UBXN7: variants seen among roughly 807,000 people sequenced by gnomAD.
UBXN7 encodes UBX domain protein 7, also known as UBX domain-containing protein 7.
Under a neutral mutation model 58.0 loss-of-function variants are expected in UBXN7, and 9 were observed. The ratio of observed to expected loss-of-function variants is 0.16; its 90% confidence interval spans 0.09 to 0.27. The LOEUF (loss-of-function observed/expected upper bound fraction) is 0.27, where lower values mean the gene tolerates loss of function less well. Among genes scored for constraint, UBXN7 ranks in the 10% least tolerant of loss-of-function variants. The pLI, the probability that UBXN7 is intolerant of heterozygous loss-of-function variation, is 1.00. For synonymous variants in UBXN7, 208 were observed against 205.0 expected, an observed-to-expected ratio of 1.01 and a Z score of -0.12; for missense variants, 328 against 599.6, an observed-to-expected ratio of 0.55 and a Z score of 4.73.
chr3:196,403,036 G>A lies in UBXN7; in HGVS notation c.222-17C>T, dbSNP rs1332343832. 6 of 1,577,636 alleles carry A rather than the reference G, an allele frequency of 3.8e-6. No individual in the cohort carries two copies. The highest frequency in any genetic ancestry group is 1.2e-5 in the South Asian group (1 of 84,244). On this transcript the variant is annotated splice_polypyrimidine_tract_variant and intron_variant, in intron 2 of 10. Coordinates refer to ENST00000296328, the MANE Select transcript of UBXN7 (RefSeq NM_015562.2). ...ACTTCTTCTCTATTAAAAAAAAATG[G>A]GAAAATAAAAAATGAAAACTGTTTT...
chr3:196,362,625 T>C lies in UBXN7; in HGVS notation c.897A>G (p.Gln299=), dbSNP rs556144692. 1.0e-4 allele frequency: 161 copies of C among 1,613,896 alleles called. 1 individual carries two copies. In the South Asian group the frequency reaches 1.7e-3, roughly 17 times the overall value. ...TCTGTGTTGAATCAAAATGTGTTTC[T>C]TGTAAGGAGGCTCTGATGGCAGCTT... The part of the protein sequence containing the change: ...QLEAAIRASL[Q]ETHFDSTQTK... The change falls in exon 9 of 11, where the codon CAA becomes CAG. Residue 299 remains glutamine (Q), a synonymous_variant. Coordinates refer to ENST00000296328, the MANE Select transcript of UBXN7 (RefSeq NM_015562.2).
At chr3:196,374,947 AAAGAAAGAAAGAAAAAAAGGAAGG>A (rs1728956955) in intron 5 of UBXN7, among the ~76,000 whole-genome samples, 2 of 19,820 alleles carry the variant, frequency 1.0e-4, no homozygotes, top group East Asian at 5.1e-3. Flanking sequence ...GGAAGGAAGG[AAAGAAAGAAAGAAAAAAAGGAAGG>A]AGGGAAGGAA....
chr3:196,356,155 A>G lies in UBXN7; in HGVS notation c.*530T>C, dbSNP rs574100783. 1.4e-4 allele frequency: 22 copies of G among 152,834 alleles called. No homozygotes were observed. The highest frequency in any genetic ancestry group is 5.3e-4 in the African/African-American group (22 of 41,588). The allele number at this position is 152,834 out of a possible 1,614,324, so 9.5% of individuals were successfully genotyped here. A position where few individuals can be genotyped will look rare whatever the true frequency, so the allele number is the denominator to read the frequency against. The stretch of plus-strand genomic sequence containing the variant: ...TTTCCACGTAAACAAAAGCCTGGAT[A>G]TTTTGTTAAGCGACATTTCCACATG... On this transcript the variant is annotated 3_prime_UTR_variant, in exon 11 of 11. Coordinates refer to ENST00000296328, the MANE Select transcript of UBXN7 (RefSeq NM_015562.2).
intron 2 of UBXN7, among the ~76,000 whole-genome samples, chr3:196,406,944 C>T (rs931298671): frequency 2.1e-4 from 32 of 152,172 alleles, no homozygotes; most frequent in African/African-American, 7.5e-4. Context: ...TTGCTGCTGC[C>T]GTGAGGCACA....
rs779452764 is a variant in UBXN7 at position 196,432,143 on chromosome 3, G to A, written c.73+184C>T. 1.2e-3 allele frequency: 932 copies of A among 780,600 alleles called. 2 individuals carry two copies. Among genetic ancestry groups the A allele is most frequent in the Non-Finnish European group, 1.0e-3 (476 of 455,204 alleles). The allele number at this position is 780,600 out of a possible 1,614,324, so 48.4% of individuals were successfully genotyped here. A position where few individuals can be genotyped will look rare whatever the true frequency, so the allele number is the denominator to read the frequency against. On this transcript the variant is annotated intron_variant, in intron 1 of 10. Transcript: ENST00000296328. Reference sequence around the variant, plus strand: ...AGAGAACGAGGGTATCGGGAGCGGGGGGGGGCTGTCTCCCGCCTGAACCCG... The same window carrying A: ...AGAGAACGAGGGTATCGGGAGCGGGAGGGGGCTGTCTCCCGCCTGAACCCG...
At position 196,428,630 on chromosome 3, in the gene UBXN7, C is replaced by T. The variant is rs542932218; in HGVS notation, c.73+3697G>A. ...TATTTCGGCCAGGTGCAGTGTCCCA[C>T]GCCTGTAATCCCAGCACTTTGGGAG... On this transcript the variant is annotated intron_variant, in intron 1 of 10. Transcript: ENST00000296328. 2.6e-5 allele frequency among the ~76,000 whole-genome samples: 4 copies of T among 152,000 alleles called. 1 individual carries two copies. The highest frequency in any genetic ancestry group is 9.6e-5 in the African/African-American group (4 of 41,462).
chr3:196,416,774 A>G (rs1730498672), intron 1 of UBXN7, among the ~76,000 whole-genome samples: 1 of 152,246 alleles, frequency 6.6e-6, no homozygotes, highest in Admixed American at 6.5e-5. Context: ...TTAAGGATGT[A>G]TCAATCATTT....
intron 8 of UBXN7, among the ~76,000 whole-genome samples, chr3:196,366,833 G>A (rs1157435843): frequency 2.6e-5 from 4 of 152,064 alleles, no homozygotes; most frequent in Admixed American, 2.6e-4. Flanking sequence ...AGGCTGTAGC[G>A]AGCCATGATC....
In UBXN7 at chr3:196,407,247, C is replaced by G. The variant is rs370953217; in HGVS notation, c.220G>C (p.Glu74Gln). The G allele has an allele frequency of 3.8e-5, 61 of 1,613,332 alleles. No individual in the cohort carries two copies. Among genetic ancestry groups the G allele is most frequent in the African/African-American group, 8.0e-5 (6 of 74,906 alleles). Residue 74 changes from glutamate (E) to glutamine (Q), a missense_variant and splice_region_variant, in exon 2 of 11, where the codon GAA (glutamate) becomes CAA (glutamine). Around this residue, in one of 4 missense-constraint regions of UBXN7, gnomAD observed 106 missense variants for 124.3 expected, o/e 0.85. Transcript: ENST00000296328. Reference protein sequence around the residue: ...ASVSTVRPHTEEEVRAPIPQK... With the variant: ...ASVSTVRPHTQEEVRAPIPQK... ...TGACAACACATAATAAATTCATACT[C>G]TGTGTGTGGTCTGACAGTAGAGACA... is the stretch of plus-strand genomic sequence containing the variant.
chr3:196,356,958 T>A (rs1269102507), intron 10 of UBXN7, 112 bp from the exon 11 acceptor site: 1 of 1,343,506 alleles, frequency 7.4e-7, no homozygotes, highest in East Asian at 2.6e-5. Flanking sequence ...AGCTATTAAA[T>A]GTAAGTTCTT....
At chr3:196,409,022 A>C (rs1021472539) in intron 1 of UBXN7, among the ~76,000 whole-genome samples, 6 of 152,236 alleles carry the variant, frequency 3.9e-5, no homozygotes, top group Admixed American at 3.9e-4. Flanking sequence ...CTGTAACTCC[A>C]ATTAGATGTA....
intron 6 of UBXN7, among the ~76,000 whole-genome samples, chr3:196,370,459 T>TAA (rs1232100228): frequency 7.6e-6 from 1 of 131,582 alleles, no homozygotes; most frequent in African/African-American, 2.8e-5. Context: ...TCCATTTATT[T>TAA]AAAAAAAAAA....
At chr3:196,369,848 A>G (rs1235659018) in intron 6 of UBXN7, among the ~76,000 whole-genome samples, 1 of 152,134 alleles carries the variant, frequency 6.6e-6, no homozygotes, top group Non-Finnish European at 1.5e-5. Flanking sequence ...TATTAAGATT[A>G]TGGGCCAGGC....
At chr3:196,400,322 C>T (rs926821742) in intron 3 of UBXN7, 6 of 152,228 alleles carry the variant, frequency 3.9e-5, no homozygotes, top group African/African-American at 1.4e-4. Flanking sequence ...TAAATCAATA[C>T]TGTCTTAAGA....
At chr3:196,379,577 G>A (rs961579432) in intron 5 of UBXN7, among the ~76,000 whole-genome samples, 1 of 152,146 alleles carries the variant, frequency 6.6e-6, no homozygotes, top group Non-Finnish European at 1.5e-5. Flanking sequence ...TAATAGGGAC[G>A]ATGGTATTCC....
At chr3:196,403,211 G>A (rs916140280) in intron 2 of UBXN7, among the ~76,000 whole-genome samples, 192 bp from the exon 3 acceptor site, 2 of 152,252 alleles carry the variant, frequency 1.3e-5, no homozygotes, top group South Asian at 2.1e-4. Context: ...AGGCTGGAGT[G>A]GACCGACACG....
chr3:196,382,085 A>G (rs1004084965), intron 5 of UBXN7, among the ~76,000 whole-genome samples: 7 of 152,202 alleles, frequency 4.6e-5, no homozygotes, highest in Non-Finnish European at 1.0e-4. Flanking sequence ...TATCCAGGAG[A>G]ACTTCCCCAA....
intron 5 of UBXN7, among the ~76,000 whole-genome samples, chr3:196,374,522 T>C (rs1439525658): frequency 2.0e-5 from 3 of 151,924 alleles, no homozygotes; most frequent in African/African-American, 4.8e-5. Context: ...AAATTGTTAC[T>C]GCTAAAAGGA....
chr3:196,391,013 A>C (rs1319937785), intron 5 of UBXN7, among the ~76,000 whole-genome samples: 1 of 152,206 alleles, frequency 6.6e-6, no homozygotes, highest in Admixed American at 6.5e-5. Context: ...CATACTCTGG[A>C]AAGTTTTTGT....
Sources: allele counts gnomAD v4.1 joint callset (sites outside exome capture counted in the v4.1 genomes callset), GRCh38; gene constraint gnomAD v4.1.1; regional missense constraint gnomAD v4.1.1; transcripts MANE v1.5; gene names NCBI Gene and HGNC (gene_info 2026-07-23, HGNC 2026-07-21).